The following NPC1 variants were observed in gnomAD, a reference collection of about 807,000 sequenced individuals.
The protein encoded by NPC1 is Niemann-Pick C1 protein.
A neutral mutation model predicts 140.4 loss-of-function variants in NPC1; 85 were observed. The observed-to-expected ratio is 0.61, with a 90% CI of 0.51 to 0.72. The LOEUF (loss-of-function observed/expected upper bound fraction) is 0.72. NPC1 is among the 30% of genes least tolerant of loss of function. The pLI is 0.00. For synonymous variants in NPC1, 656 were observed against 624.8 expected, an observed-to-expected ratio of 1.05 and a Z score of -0.74; for missense variants, 1,504 against 1,623.8, an observed-to-expected ratio of 0.93 and a Z score of 1.27.
At chr18:23,555,079 A>C in intron 8 of NPC1, 95 bp from the exon 9 acceptor site, 1 of 830,382 alleles carries the variant, frequency 1.2e-6, no homozygotes, top group Non-Finnish European at 2.0e-6. Context: ...TCAGAAGACA[A>C]AGAGTATTTG....
chr18:23,535,653 G>A lies in NPC1; in HGVS notation c.3293C>T (p.Thr1098Ile), dbSNP rs746285672. The change falls in exon 22 of 25, where the codon ACT (threonine) becomes ATT (isoleucine). Residue 1098 changes from threonine (T) to isoleucine (I), a missense_variant. Coordinates refer to ENST00000269228, the MANE Select transcript of NPC1 (RefSeq NM_000271.5). ...CAGGGACACACCGAGGTTGAAGATA[G>A]TGTCGTCAATGATGGTCAGGTACTG... Reference protein sequence around the residue: ...YEQYLTIIDDTIFNLGVSLGA... With the variant: ...YEQYLTIIDDIIFNLGVSLGA... 1.2e-6 allele frequency: 2 copies of A among 1,614,164 alleles called. No individual in the cohort carries two copies. The highest frequency in any genetic ancestry group is 2.2e-5 in the South Asian group (2 of 91,064).
intron 1 of NPC1, among the ~76,000 whole-genome samples, chr18:23,585,534 G>A (rs1287310665): frequency 2.0e-5 from 3 of 152,120 alleles, no homozygotes; most frequent in East Asian, 1.9e-4. Context: ...ATCCTGATTT[G>A]GTTTAACGAG....
chr18:23,543,867 G>A (rs550919497), intron 13 of NPC1, among the ~76,000 whole-genome samples: 2 of 152,188 alleles, frequency 1.3e-5, no homozygotes, highest in African/African-American at 2.4e-5. Flanking sequence ...CACGTGCACT[G>A]AGTCTCCGCC....
chr18:23,531,178 A>T (rs184214053), downstream of NPC1, among the ~76,000 whole-genome samples: 1 of 151,968 alleles, frequency 6.6e-6, no homozygotes, highest in East Asian at 1.9e-4. Context: ...TTTAGTAGAG[A>T]TGGGGTTTTA....
chr18:23,507,785 T>A lies in NPC1; in HGVS notation c.432-1143A>T, dbSNP rs2276259. ...AATATTTGTATTAACTTAAAAAAAA[T>A]TGAATCGTAAGCCTGCTGCTGTTGA... On this transcript the variant is annotated intron_variant, in intron 3 of 3. Coordinates refer to the NPC1 transcript ENST00000591107. 6.6e-5 allele frequency among the ~76,000 whole-genome samples: 10 copies of A among 152,322 alleles called. No homozygotes were observed. In the East Asian group the frequency reaches 1.9e-3, roughly 29 times the overall value.
chr18:23,574,668 T>C (rs1290763023), intron 1 of NPC1, among the ~76,000 whole-genome samples: 4 of 152,188 alleles, frequency 2.6e-5, no homozygotes, highest in Non-Finnish European at 5.9e-5. Flanking sequence ...ATATCACTTT[T>C]CTCTGAATTC....
At chr18:23,586,013 T>A (rs936891952) in intron 1 of NPC1, among the ~76,000 whole-genome samples, 10 of 152,262 alleles carry the variant, frequency 6.6e-5, no homozygotes, top group Non-Finnish European at 1.3e-4. Context: ...TCCCTTCTTC[T>A]GGTGCCACAT....
chr18:23,539,828 C>T lies in NPC1; in HGVS notation c.2778G>A (p.Ala926=), dbSNP rs754772486. 2.7e-5 allele frequency: 43 copies of T among 1,614,048 alleles called. No individual in the cohort carries two copies. Among genetic ancestry groups the T allele is most frequent in the Middle Eastern group, 1.6e-4 (1 of 6,076 alleles). The change falls in exon 18 of 25, where the codon GCG becomes GCA. Residue 926 remains alanine (A), a synonymous_variant. Transcript: ENST00000269228. ...GTACTGACTAGTTGTCCAGCTGCGC[C>T]GCGTTAAATATCTGCTGCACCAGGG... ...NDSLVQQIFN[A]AQLDNYTRIG... is the part of the protein sequence containing the mutation.
intron 1 of NPC1, among the ~76,000 whole-genome samples, chr18:23,580,621 A>C (rs2059345444): frequency 2.0e-5 from 3 of 152,212 alleles, no homozygotes. Context: ...TGGATGGGTA[A>C]AGCTAATGGC....
chr18:23,525,125 T>C (rs2058259039), downstream of NPC1, among the ~76,000 whole-genome samples: 2 of 151,320 alleles, frequency 1.3e-5, no homozygotes, highest in South Asian at 4.2e-4. Flanking sequence ...TTTGTATTTT[T>C]AGTAGAGACG....
intron 3 of NPC1, among the ~76,000 whole-genome samples, chr18:23,514,008 C>T (rs868100742): frequency 1.6e-4 from 25 of 152,158 alleles, no homozygotes; most frequent in African/African-American, 5.8e-4. Context: ...CTTTGATGTA[C>T]CTGCCTGTTT....
chr18:23,528,462 G>C (rs1453733133), downstream of NPC1: 1 of 153,554 alleles, frequency 6.5e-6, no homozygotes, highest in African/African-American at 2.4e-5. Flanking sequence ...AGGACAAGGA[G>C]AATGAATTAT....
chr18:23,541,330 C>G lies in NPC1; in HGVS notation c.2349G>C (p.Leu783Phe), dbSNP rs759628748. The G allele has an allele frequency of 6.9e-5, 111 of 1,614,186 alleles. 5 individuals are homozygous for G. The South Asian group carries it at 1.2e-3, about 17-fold the overall frequency. ...CCTCTTGACGTTTAATGTCTAACCC[C>G]AAGAGACTCACGAAACAGGTAATCT... ...LLQITCFVSL[L>F]GLDIKRQEKN... The change falls in exon 15 of 25, where the codon TTG (leucine) becomes TTC (phenylalanine). Residue 783 changes from leucine (L) to phenylalanine (F), a missense_variant. Physicochemically the swap from Leu to Phe is conservative, Grantham distance 22 (BLOSUM62 0). Transcript: ENST00000269228.
intron 14 of NPC1, 150 bp downstream of exon 14, chr18:23,543,305 G>GA: frequency 1.7e-6 from 1 of 592,328 alleles, no homozygotes. Flanking sequence ...CTCCAGCCTG[G>GA]GTGGCAGAGT....
intron 1 of NPC1, among the ~76,000 whole-genome samples, chr18:23,586,055 G>C (rs547702541): frequency 3.3e-5 from 5 of 152,292 alleles, no homozygotes; most frequent in African/African-American, 1.2e-4. Context: ...ACCACAGATG[G>C]AACAAGCTCA....
intron 13 of NPC1, among the ~76,000 whole-genome samples, chr18:23,543,942 G>C (rs1490652368): frequency 2.6e-5 from 4 of 152,130 alleles, no homozygotes; most frequent in African/African-American, 9.7e-5. Context: ...TTGACCTTTT[G>C]CCTTTTTAGT....
rs1555634671 is a variant in NPC1 at position 23,544,948 on chromosome 18, C to CCA, written c.1947+11_1947+12insTG. ...TAACCTCTAGAACATACACCACCCCCCCCCGGCTTACCAGAAGCCTGCGAC... is the reference window on the plus strand; with the variant it reads ...TAACCTCTAGAACATACACCACCCCCCACCCCGGCTTACCAGAAGCCTGCGAC... On this transcript the variant is annotated intron_variant, in intron 12 of 24. Transcript: ENST00000269228. 4 of 1,379,530 alleles carry CCA rather than the reference C, an allele frequency of 2.9e-6. No individual in the cohort carries two copies. In the African/African-American group the frequency reaches 5.6e-5, roughly 19 times the overall value. 85.5% of individuals were successfully genotyped at this position (1,379,530 alleles called of 1,614,324 possible). A position where few individuals can be genotyped will look rare whatever the true frequency, so the allele number is the denominator to read the frequency against.
chr18:23,583,533 G>A (rs569182972), intron 1 of NPC1, among the ~76,000 whole-genome samples: 1 of 152,166 alleles, frequency 6.6e-6, no homozygotes, highest in East Asian at 1.9e-4. Flanking sequence ...AATTTGACTG[G>A]AGAGCTGATG....
chr18:23,543,345 A>AG, intron 14 of NPC1, 110 bp downstream of exon 14: 2 of 689,702 alleles, frequency 2.9e-6, no homozygotes. Context: ...AAAAAAAAAA[A>AG]AGAAAAAAAA....
Sources: gnomAD v4.1 joint callset for allele counts (sites outside exome capture counted in the v4.1 genomes callset) on GRCh38, gnomAD v4.1.1 for gene constraint, MANE v1.5 for transcripts, NCBI Gene and HGNC (gene_info 2026-07-23, HGNC 2026-07-21) for gene names.